AUTS2: variants seen among roughly 807,000 people sequenced by gnomAD.
AUTS2 encodes activator of transcription and developmental regulator AUTS2.
AUTS2 carries 17 observed loss-of-function variants against 112.4 expected under a neutral mutation model. The observed-to-expected ratio is 0.15, with a 90% CI of 0.10 to 0.23. AUTS2 has a LOEUF of 0.23. Ranked by LOEUF, AUTS2 falls within the 10% of genes least tolerant of loss-of-function variation. AUTS2 has a pLI of 1.00. For synonymous variants in AUTS2, 751 were observed against 702.7 expected (o/e 1.07, Z -1.09); for missense variants, 1,510 against 1,701.6 (o/e 0.89, Z 1.98).
chr7:70,564,342 G>C (rs971531295), intron 5 of AUTS2, among the ~76,000 whole-genome samples: 2 of 152,144 alleles, frequency 1.3e-5, no homozygotes, highest in African/African-American at 2.4e-5. Flanking sequence ...TTAGATGCTC[G>C]AGTAATTATC....
intron 2 of AUTS2, among the ~76,000 whole-genome samples, chr7:70,016,808 C>G (rs966401978): frequency 1.8e-4 from 28 of 152,060 alleles, no homozygotes; most frequent in Non-Finnish European, 3.5e-4. Flanking sequence ...GCTGGGATTA[C>G]AGGCATGTGC....
intron 4 of AUTS2, among the ~76,000 whole-genome samples, chr7:70,365,443 C>G (rs1479131789): frequency 1.3e-5 from 2 of 152,126 alleles, no homozygotes; most frequent in African/African-American, 4.8e-5. Context: ...TGGTGTAGAC[C>G]AGAAGTTTAA....
At chr7:69,884,538 C>T (rs1396869120) in intron 1 of AUTS2, among the ~76,000 whole-genome samples, 1 of 152,166 alleles carries the variant, frequency 6.6e-6, no homozygotes, top group African/African-American at 2.4e-5. Context: ...GAATGACTGC[C>T]TGCAGTTTAA....
chr7:69,842,805 C>G (rs1792037783), intron 1 of AUTS2, among the ~76,000 whole-genome samples: 1 of 152,142 alleles, frequency 6.6e-6, no homozygotes, highest in Non-Finnish European at 1.5e-5. Context: ...TGCTTTGACT[C>G]AAGGGCACAG....
At chr7:70,749,374 G>A (rs1255735192) in intron 6 of AUTS2, among the ~76,000 whole-genome samples, 3 of 152,182 alleles carry the variant, frequency 2.0e-5, no homozygotes, top group South Asian at 2.1e-4. Context: ...GGGGGTCCGC[G>A]AATGTACCGT....
At chr7:69,869,420 AT>A (rs1159285877) in intron 1 of AUTS2, among the ~76,000 whole-genome samples, 1 of 151,954 alleles carries the variant, frequency 6.6e-6, no homozygotes, top group East Asian at 1.9e-4. Flanking sequence ...TTTTGATAAA[AT>A]ATTATCTAAA....
chr7:69,779,780 A>T (rs1357325272), intron 1 of AUTS2, among the ~76,000 whole-genome samples: 1 of 150,660 alleles, frequency 6.6e-6, no homozygotes, highest in African/African-American at 2.4e-5. Context: ...AAAAAAAAAA[A>T]TTAAAAAAAA....
At chr7:70,064,654 C>CT (rs1215009932) in intron 2 of AUTS2, among the ~76,000 whole-genome samples, 1 of 152,138 alleles carries the variant, frequency 6.6e-6, no homozygotes, top group East Asian at 1.9e-4. Flanking sequence ...GACATAAAGA[C>CT]TTAAAGGCAA....
chr7:70,441,076 T>C (rs1173308011), intron 5 of AUTS2, among the ~76,000 whole-genome samples: 1 of 152,242 alleles, frequency 6.6e-6, no homozygotes, highest in African/African-American at 2.4e-5. Context: ...TGTGCAGACA[T>C]GTGCCACCCA....
intron 1 of AUTS2, among the ~76,000 whole-genome samples, chr7:69,695,830 CTA>C (rs1797536265): frequency 6.6e-6 from 1 of 152,084 alleles, no homozygotes; most frequent in Admixed American, 6.5e-5. Context: ...GGTATGGAAA[CTA>C]GACATTAAAA....
At chr7:69,755,785 T>C (rs1236651745) in intron 1 of AUTS2, among the ~76,000 whole-genome samples, 1 of 152,066 alleles carries the variant, frequency 6.6e-6, no homozygotes, top group Non-Finnish European at 1.5e-5. Context: ...GATGGACACT[T>C]TGGGCATGTA....
At chr7:70,438,777 G>T (rs544585087) in intron 5 of AUTS2, among the ~76,000 whole-genome samples, 1 of 152,286 alleles carries the variant, frequency 6.6e-6, no homozygotes, top group East Asian at 1.9e-4. Context: ...TTGCTTGGAG[G>T]ATTCGCATTC....
chr7:70,058,417 G>A (rs1802090278), intron 2 of AUTS2, among the ~76,000 whole-genome samples: 1 of 152,108 alleles, frequency 6.6e-6, no homozygotes, highest in African/African-American at 2.4e-5. Context: ...TATGAAATGG[G>A]AAAGTTAGGT....
chr7:69,863,292 A>G (rs1041417704), intron 1 of AUTS2, among the ~76,000 whole-genome samples: 1 of 152,214 alleles, frequency 6.6e-6, no homozygotes, highest in African/African-American at 2.4e-5. Context: ...TTTACATACC[A>G]TTTAAATTAT....
chr7:70,295,460 C>G (rs866398359), intron 4 of AUTS2, among the ~76,000 whole-genome samples: 2 of 152,138 alleles, frequency 1.3e-5, no homozygotes, highest in African/African-American at 4.8e-5. Context: ...TTATCTTAGG[C>G]CAGATGTCCT....
At chr7:69,823,669 A>G (rs1791104607) in intron 1 of AUTS2, among the ~76,000 whole-genome samples, 1 of 152,110 alleles carries the variant, frequency 6.6e-6, no homozygotes, top group Non-Finnish European at 1.5e-5. Context: ...TATACTGGGG[A>G]TCACTTCAGC....
At chr7:70,107,480 A>G (rs1264060513) in intron 2 of AUTS2, among the ~76,000 whole-genome samples, 1 of 149,308 alleles carries the variant, frequency 6.7e-6, no homozygotes, top group African/African-American at 2.5e-5. Context: ...AGTAGCTGGG[A>G]TTACAGGCAC....
chr7:70,275,730 A>C (rs1787898200), intron 4 of AUTS2, among the ~76,000 whole-genome samples: 1 of 152,116 alleles, frequency 6.6e-6, no homozygotes, highest in Non-Finnish European at 1.5e-5. Flanking sequence ...GTGAGTACTC[A>C]CAAGGTCTAA....
intron 1 of AUTS2, among the ~76,000 whole-genome samples, chr7:69,752,890 T>G (rs1787800443): frequency 6.6e-6 from 1 of 152,204 alleles, no homozygotes; most frequent in Non-Finnish European, 1.5e-5. Flanking sequence ...GCTGAGGGAC[T>G]GGAACAGCAG....
Sources: allele counts gnomAD v4.1 joint callset (sites outside exome capture counted in the v4.1 genomes callset), GRCh38; gene constraint gnomAD v4.1.1; transcripts MANE v1.5; gene names NCBI Gene and HGNC (gene_info 2026-07-23, HGNC 2026-07-21).